GPC5: variants seen among roughly 807,000 people sequenced by gnomAD.
GPC5 encodes the protein glypican 5, also known as glypican-5.
Under a neutral mutation model 53.9 loss-of-function variants are expected in GPC5, and 47 were observed. That is an observed-to-expected ratio of 0.87 (90% CI 0.69 to 1.11). GPC5 has a LOEUF of 1.11. Among genes scored for constraint, GPC5 ranks in the 50% most tolerant of loss-of-function variants. The probability of loss-of-function intolerance (pLI) is 0.00; values close to 1 mark genes in which losing one functional copy is unlikely to be tolerated. For missense variants in GPC5, 748 were observed against 713.1 expected, an observed-to-expected ratio of 1.05 and a Z score of -0.56; for synonymous variants, 286 against 263.3, an observed-to-expected ratio of 1.09 and a Z score of -0.84.
At chr13:92,118,312 G>A (rs2041617063) in intron 6 of GPC5, among the ~76,000 whole-genome samples, 1 of 152,042 alleles carries the variant, frequency 6.6e-6, no homozygotes, top group Non-Finnish European at 1.5e-5. Context: ...TCACTTGTTT[G>A]TAAAGTATTT....
In GPC5 at chr13:92,242,232, C is replaced by CAA. The variant is rs752173365; in HGVS notation, c.1561+97262_1561+97263dup. ...TGAGGAATAGAGCAAGACTCTGTCT[C>CAA]AAAAAAAAAAAAAAAAAAAATTATT... On this transcript the variant is annotated intron_variant, in intron 7 of 7. Transcript: ENST00000377067. 5.4e-3 allele frequency among the ~76,000 whole-genome samples: 445 copies of CAA among 81,830 alleles called. 6 individuals carry two copies. The highest frequency in any genetic ancestry group is 0.015 in the African/African-American group (387 of 26,392). 53.7% of individuals were successfully genotyped at this position (81,830 alleles called of 152,430 possible). A position where few individuals can be genotyped will look rare whatever the true frequency, so the allele number is the denominator to read the frequency against.
intron 7 of GPC5, among the ~76,000 whole-genome samples, chr13:92,204,334 G>GA (rs1366281599): frequency 1.1e-4 from 16 of 152,148 alleles, no homozygotes; most frequent in Non-Finnish European, 1.9e-4. Context: ...ATACAAGCTA[G>GA]AAAAAATAAA....
chr13:92,381,921 C>CATAT (rs1296029777), intron 7 of GPC5, among the ~76,000 whole-genome samples: 1 of 124,864 alleles, frequency 8.0e-6, no homozygotes, highest in African/African-American at 3.0e-5. Context: ...TATATATAAT[C>CATAT]ATATATATGA....
chr13:92,141,365 G>A (rs377084154), intron 6 of GPC5, among the ~76,000 whole-genome samples: 8 of 152,100 alleles, frequency 5.3e-5, no homozygotes, highest in Admixed American at 2.0e-4. Flanking sequence ...TCTGAATCAC[G>A]CAATTATATT....
At chr13:91,993,354 A>G (rs1380713939) in intron 6 of GPC5, among the ~76,000 whole-genome samples, 1 of 151,952 alleles carries the variant, frequency 6.6e-6, no homozygotes, top group African/African-American at 2.4e-5. Context: ...GAAACTGCGT[A>G]TACCTTTTTT....
At chr13:92,852,863 T>G (rs1046358978) in intron 7 of GPC5, among the ~76,000 whole-genome samples, 9 of 152,168 alleles carry the variant, frequency 5.9e-5, no homozygotes, top group African/African-American at 2.2e-4. Context: ...TCACCTGGAC[T>G]AAAAGGGGCC....
At chr13:92,279,831 C>A (rs1449625141) in intron 7 of GPC5, among the ~76,000 whole-genome samples, 1 of 151,954 alleles carries the variant, frequency 6.6e-6, no homozygotes, top group East Asian at 1.9e-4. Flanking sequence ...TTTTGTTGAG[C>A]ATTTTTGCAT....
intron 7 of GPC5, among the ~76,000 whole-genome samples, chr13:92,568,498 T>G (rs1882928679): frequency 6.6e-6 from 1 of 152,196 alleles, no homozygotes; most frequent in African/African-American, 2.4e-5. Flanking sequence ...AAAATATATT[T>G]GTGCCAACAG....
chr13:91,949,533 C>T (rs2040006988), intron 6 of GPC5, among the ~76,000 whole-genome samples: 1 of 152,076 alleles, frequency 6.6e-6, no homozygotes, highest in Non-Finnish European at 1.5e-5. Flanking sequence ...TTAAAGGATG[C>T]TAAAGGTATA....
chr13:91,513,740 C>CA (rs928443326), intron 2 of GPC5, among the ~76,000 whole-genome samples: 36 of 151,608 alleles, frequency 2.4e-4, no homozygotes, highest in Non-Finnish European at 2.1e-4. Context: ...GACGCCATCT[C>CA]AAAAAAAAGA....
chr13:91,752,760 A>G (rs2037206724), intron 4 of GPC5, among the ~76,000 whole-genome samples: 1 of 152,174 alleles, frequency 6.6e-6, no homozygotes, highest in African/African-American at 2.4e-5. Context: ...TGTCCAGTCC[A>G]CTAAGTTCCA....
At chr13:92,150,322 T>C (rs1402300046) in intron 7 of GPC5, among the ~76,000 whole-genome samples, 1 of 152,028 alleles carries the variant, frequency 6.6e-6, no homozygotes, top group Non-Finnish European at 1.5e-5. Flanking sequence ...CAAATCCAGT[T>C]TAATGTTCAA....
chr13:92,105,703 A>G, intron 6 of GPC5, among the ~76,000 whole-genome samples: 1 of 152,054 alleles, frequency 6.6e-6, no homozygotes, highest in Non-Finnish European at 1.5e-5. Flanking sequence ...GAAAAAAATT[A>G]TATTGAAGTA....
At chr13:92,772,261 A>T (rs978936557) in intron 7 of GPC5, among the ~76,000 whole-genome samples, 1 of 152,288 alleles carries the variant, frequency 6.6e-6, no homozygotes, top group Middle Eastern at 3.4e-3. Context: ...AAGGCAAGGC[A>T]TGATAATCCT....
intron 7 of GPC5, among the ~76,000 whole-genome samples, chr13:92,196,503 A>G (rs1362208824): frequency 1.3e-5 from 2 of 152,216 alleles, no homozygotes; most frequent in Admixed American, 6.5e-5. Flanking sequence ...AAATATAATT[A>G]CAGCCCTAGA....
At chr13:91,595,718 T>C (rs532387731) in intron 2 of GPC5, among the ~76,000 whole-genome samples, 1 of 152,322 alleles carries the variant, frequency 6.6e-6, no homozygotes, top group South Asian at 2.1e-4. Flanking sequence ...CATTGCACCT[T>C]GTACAACTCA....
chr13:92,086,824 A>T (rs1168566119), intron 6 of GPC5, among the ~76,000 whole-genome samples: 1 of 151,820 alleles, frequency 6.6e-6, no homozygotes, highest in Non-Finnish European at 1.5e-5. Context: ...ATGCCTGGCT[A>T]ATTTTTGTAT....
At chr13:91,872,142 G>A (rs748152332) in intron 5 of GPC5, among the ~76,000 whole-genome samples, 5 of 152,068 alleles carry the variant, frequency 3.3e-5, no homozygotes, top group Non-Finnish European at 7.4e-5. Context: ...CAGTGACAGT[G>A]CCTCTTTTCC....
At chr13:91,766,281 T>C (rs2037522663) in intron 5 of GPC5, among the ~76,000 whole-genome samples, 1 of 152,252 alleles carries the variant, frequency 6.6e-6, no homozygotes, top group Non-Finnish European at 1.5e-5. Context: ...GAGTGGCCTC[T>C]ACACTGCATT....
Sources: gnomAD v4.1 joint callset for allele counts (sites outside exome capture counted in the v4.1 genomes callset) on GRCh38, gnomAD v4.1.1 for gene constraint, MANE v1.5 for transcripts, NCBI Gene and HGNC (gene_info 2026-07-23, HGNC 2026-07-21) for gene names.